Variants in G6PC3 observed in about 807,000 individuals in gnomAD.
G6PC3 encodes the protein glucose-6-phosphatase catalytic subunit 3.
In G6PC3, 30 loss-of-function variants were observed where a neutral mutation model predicts 38.6. That is an observed-to-expected ratio of 0.78 (90% CI 0.58 to 1.05). The LOEUF (loss-of-function observed/expected upper bound fraction) is 1.05, where lower values mean the gene tolerates loss of function less well. G6PC3 is among the 50% of genes least tolerant of loss of function. G6PC3 has a pLI of 0.00. For synonymous variants in G6PC3, 192 were observed against 178.1 expected (o/e 1.08, Z -0.62); for missense variants, 377 against 443.1 (o/e 0.85, Z 1.34).
At position 44,070,993 on chromosome 17, in the gene G6PC3, G is replaced by T; in HGVS notation, c.28G>T (p.Val10Leu). MESTLGAGIVIAEALQNQLA... is the reference protein window; with the variant it reads MESTLGAGILIAEALQNQLA... ...GGAGTCCACGCTGGGCGCGGGCATC[G>T]TGATAGCCGAGGCGCTACAGAACCA... Residue 10 changes from valine (V) to leucine (L), a missense_variant, in exon 1 of 6, where the codon GTG (valine) becomes TTG (leucine). Val to Leu is a conservative substitution (Grantham distance 32). Coordinates refer to ENST00000269097, the MANE Select transcript of G6PC3 (RefSeq NM_138387.4). 1.9e-6 allele frequency: 3 copies of T among 1,558,056 alleles called. No individual in the cohort carries two copies. Among genetic ancestry groups the T allele is most frequent in the Non-Finnish European group, 2.6e-6 (3 of 1,150,288 alleles).
intron 1 of G6PC3, 80 bp downstream of exon 1, chr17:44,071,263 G>A: frequency 1.3e-6 from 2 of 1,554,196 alleles, no homozygotes; most frequent in Admixed American, 1.9e-5. Flanking sequence ...GTCTCTTTCA[G>A]CAACTGTCTC....
intron 3 of G6PC3, 67 bp from the exon 4 acceptor site, chr17:44,074,902 C>T: frequency 6.8e-7 from 1 of 1,469,368 alleles, no homozygotes; most frequent in Middle Eastern, 1.7e-4. Flanking sequence ...CATGGAGTAC[C>T]TGGGTGCTGC....
chr17:44,070,864 G>A lies in G6PC3; in HGVS notation c.-102G>A. On this transcript the variant is annotated 5_prime_UTR_variant, in exon 1 of 6. Coordinates refer to ENST00000269097, the MANE Select transcript of G6PC3 (RefSeq NM_138387.4). ...CTGGCGGGGCGGGGCCTGGGGCTCA[G>A]AGGGGTGGGCTTTGGAGATCAGAGG... The A allele has an allele frequency of 7.3e-7, 1 of 1,364,368 alleles. No homozygotes were observed. Among genetic ancestry groups the A allele is most frequent in the East Asian group, 2.5e-5 (1 of 40,088 alleles). The allele number at this position is 1,364,368 out of a possible 1,614,324, so 84.5% of individuals were successfully genotyped here.
At position 44,074,783 on chromosome 17, in the gene G6PC3, C is replaced by A. The variant is rs754308186; in HGVS notation, c.416+13C>A. On this transcript the variant is annotated intron_variant, in intron 3 of 5. Transcript: ENST00000269097. ...CTCGGGCCCGCAGGTATACCCTTGGCATTGCCCACCATTGGGAGCAGGGGT... is the reference window on the plus strand; with the variant it reads ...CTCGGGCCCGCAGGTATACCCTTGGAATTGCCCACCATTGGGAGCAGGGGT... 11 of 1,608,724 alleles carry A rather than the reference C, an allele frequency of 6.8e-6. No individual in the cohort carries two copies. Among genetic ancestry groups the A allele is most frequent in the African/African-American group, 1.3e-5 (1 of 74,826 alleles).
rs766506200 is a variant in G6PC3 at position 44,075,365 on chromosome 17, C to T, written c.591C>T (p.Ser197=). The part of the protein sequence containing the change: ...TPRVPMEREL[S]FYGLTALALM... Reference sequence around the variant, plus strand: ...GAGTGCCTATGGAGCGGGAGCTAAGCTTCTATGGGTTGACTGCACTGGCCC... The same window carrying T: ...GAGTGCCTATGGAGCGGGAGCTAAGTTTCTATGGGTTGACTGCACTGGCCC... The change falls in exon 5 of 6, where the codon AGC becomes AGT. Residue 197 remains serine, a synonymous_variant. Coordinates refer to ENST00000269097, the MANE Select transcript of G6PC3 (RefSeq NM_138387.4). 3 of 1,614,166 alleles carry T rather than the reference C, an allele frequency of 1.9e-6. No homozygotes were observed. Among genetic ancestry groups the T allele is most frequent in the Non-Finnish European group, 1.7e-6 (2 of 1,180,010 alleles).
intron 2 of G6PC3, 77 bp from the exon 3 acceptor site, chr17:44,074,602 TG>T (rs1038356182): frequency 5.2e-6 from 6 of 1,160,720 alleles, no homozygotes; most frequent in Non-Finnish European, 7.8e-6. Flanking sequence ...GAAAGGCAGC[TG>T]TATTATTGAG....
Position 44,075,314 on chromosome 17 carries a change from T to A in G6PC3, c.540T>A (p.Ala180=), listed in dbSNP as rs1195884379. The change falls in exon 5 of 6, where the codon GCT becomes GCA. Residue 180 remains alanine (A), a synonymous_variant. Transcript: ENST00000269097. ...GTTGTCACTCCACTCTCCTAGGCGC[T>A]GTCCTGGGCTGGCTGATGACTCCCC... ...HQVLAGLITG[A]VLGWLMTPRV... is the part of the protein sequence containing the mutation. 7 of 1,614,188 alleles carry A rather than the reference T, an allele frequency of 4.3e-6. No individual in the cohort carries two copies. Among genetic ancestry groups the A allele is most frequent in the Non-Finnish European group, 5.1e-6 (6 of 1,180,028 alleles).
intron 1 of G6PC3, chr17:44,071,593 A>T (rs1166875736): frequency 5.7e-6 from 7 of 1,233,292 alleles, no homozygotes; most frequent in South Asian, 3.9e-5. Flanking sequence ...TCACTTTTTC[A>T]TTCATGTATT....
chr17:44,075,908 C>G lies in G6PC3; in HGVS notation c.906C>G (p.His302Gln). The G allele has an allele frequency of 4.3e-6, 7 of 1,612,740 alleles. No homozygotes were observed. The highest frequency in any genetic ancestry group is 5.9e-6 in the Non-Finnish European group (7 of 1,179,978). Residue 302 changes from histidine (H) to glutamine (Q), a missense_variant, in exon 6 of 6, where the codon CAC becomes CAG. Transcript: ENST00000269097. ...GLLGPLDWLGHPPQISLFYIF... is the reference protein window; with the variant it reads ...GLLGPLDWLGQPPQISLFYIF... ...TGGGCCCCCTGGACTGGCTGGGCCA[C>G]CCCCCTCAGATCAGCCTCTTCTACA...
chr17:44,072,314 TTTCA>T (rs2049994482), intron 1 of G6PC3: 1 of 149,560 alleles, frequency 6.7e-6, no homozygotes, highest in South Asian at 2.1e-4. Flanking sequence ...CCCTATTCAT[TTTCA>T]TTTTCTCTTT....
Position 44,071,174 on chromosome 17 carries a change from TC to T in G6PC3, c.210del (p.Phe71SerfsTer46), listed in dbSNP as rs769441127. ...ISLITEWLNL[I>X]FKWFLFGDRP... ...CTCATCACCGAGTGGCTCAACCTCA[TC>T]TTCAAGTGGTGAGACAGAGAAGCCC... On this transcript the variant is annotated frameshift_variant, in exon 1 of 6. Coordinates refer to ENST00000269097, the MANE Select transcript of G6PC3 (RefSeq NM_138387.4). The T allele has an allele frequency of 1.9e-5, 31 of 1,613,362 alleles. No homozygotes were observed. The Admixed American group carries it at 5.2e-4, about 27-fold the overall frequency.
chr17:44,074,826 AAT>A, intron 3 of G6PC3, 56 bp downstream of exon 3: 1 of 1,542,460 alleles, frequency 6.5e-7, no homozygotes, highest in Non-Finnish European at 9.0e-7. Flanking sequence ...CCCTGTACCT[AAT>A]AGACACAGCA....
Position 44,076,062 on chromosome 17 carries a change from T to C in G6PC3, c.*19T>C. The C allele has an allele frequency of 6.2e-7, 1 of 1,611,266 alleles. No homozygotes were observed. Among genetic ancestry groups the C allele is most frequent in the Non-Finnish European group, 8.5e-7 (1 of 1,179,972 alleles). The stretch of plus-strand genomic sequence containing the variant: ...TTCCTGACTTCTTGTGTGCCTCCCT[T>C]TCCTTTCCCTCCCACAAAGCCAACA... On this transcript the variant is annotated 3_prime_UTR_variant, in exon 6 of 6. Transcript: ENST00000269097.
chr17:44,075,737 C>T lies in G6PC3; in HGVS notation c.735C>T (p.Ser245=). The T allele has an allele frequency of 6.2e-7, 1 of 1,612,836 alleles. No homozygotes were observed. Residue 245 remains serine, a synonymous_variant, in exon 6 of 6, where the codon AGC becomes AGT. Coordinates refer to ENST00000269097, the MANE Select transcript of G6PC3 (RefSeq NM_138387.4). ...GGCCTGAGTGGATACACGTGGATAG[C>T]CGGCCCTTTGCCTCCCTGAGCCGTG... ...CERPEWIHVD[S]RPFASLSRDS...
Position 44,070,868 on chromosome 17 carries a change from G to T in G6PC3, c.-98G>T. The T allele has an allele frequency of 7.2e-7, 1 of 1,381,408 alleles. No individual in the cohort carries two copies. The highest frequency in any genetic ancestry group is 9.9e-7 in the Non-Finnish European group (1 of 1,007,578). 85.6% of individuals were successfully genotyped at this position (1,381,408 alleles called of 1,614,324 possible). The stretch of plus-strand genomic sequence containing the variant: ...CGGGGCGGGGCCTGGGGCTCAGAGG[G>T]GTGGGCTTTGGAGATCAGAGGGTCG... On this transcript the variant is annotated 5_prime_UTR_variant, in exon 1 of 6. Transcript: ENST00000269097.
At position 44,075,149 on chromosome 17, in the gene G6PC3, T is replaced by G. The variant is rs372384296; in HGVS notation, c.535+62T>G. On this transcript the variant is annotated intron_variant, in intron 4 of 5. Coordinates refer to ENST00000269097, the MANE Select transcript of G6PC3 (RefSeq NM_138387.4). ...GCCTTTGGCAGTGGGAGGATCAGTC[T>G]AGGATCTTCCCATCGCTCCCAGCTT... is the stretch of plus-strand genomic sequence containing the variant. 41 of 1,495,380 alleles carry G rather than the reference T, an allele frequency of 2.7e-5. No homozygotes were observed. The African/African-American group carries it at 5.2e-4, about 19-fold the overall frequency. The allele number at this position is 1,495,380 out of a possible 1,614,324, so 92.6% of individuals were successfully genotyped here.
intron 1 of G6PC3, chr17:44,073,042 C>T (rs1241681543): frequency 6.6e-6 from 1 of 152,362 alleles, no homozygotes; most frequent in Non-Finnish European, 1.5e-5. Flanking sequence ...CACGTGGCTT[C>T]CTGCCAGCAT....
At chr17:44,071,727 A>T in intron 1 of G6PC3, 2 of 973,632 alleles carry the variant, frequency 2.1e-6, no homozygotes, top group Non-Finnish European at 2.8e-6. Context: ...CATAGGCAGC[A>T]CTTGAAAACT....
At position 44,075,712 on chromosome 17, in the gene G6PC3, G is replaced by A. The variant is rs768565958; in HGVS notation, c.710G>A (p.Arg237Gln). ...AGCCTAGCCTTCAAGTGGTGTGAGCGGCCTGAGTGGATACACGTGGATAGC... is the reference window on the plus strand; with the variant it reads ...AGCCTAGCCTTCAAGTGGTGTGAGCAGCCTGAGTGGATACACGTGGATAGC... ...SISLAFKWCE[R>Q]PEWIHVDSRP... The change falls in exon 6 of 6, where the codon CGG becomes CAG. Residue 237 changes from arginine to glutamine, a missense_variant. Arg to Gln is a conservative substitution (Grantham distance 43). Coordinates refer to ENST00000269097, the MANE Select transcript of G6PC3 (RefSeq NM_138387.4). 1.2e-5 allele frequency: 19 copies of A among 1,612,340 alleles called. No homozygotes were observed. The highest frequency in any genetic ancestry group is 5.3e-5 in the African/African-American group (4 of 74,918).
Sources: allele counts gnomAD v4.1 joint callset, GRCh38; gene constraint gnomAD v4.1.1; transcripts MANE v1.5; gene names NCBI Gene and HGNC (gene_info 2026-07-23, HGNC 2026-07-21).